Variants in ANO4 observed in about 807,000 individuals in gnomAD.
ANO4 encodes anoctamin-4.
Under a neutral mutation model 141.9 loss-of-function variants are expected in ANO4, and 69 were observed. That is an observed-to-expected ratio of 0.49 (90% CI 0.40 to 0.59). ANO4 has a LOEUF of 0.59. Ranked by LOEUF, ANO4 falls within the 20% of genes least tolerant of loss-of-function variation. The pLI is 0.00. For synonymous variants in ANO4, 350 were observed against 394.3 expected, an observed-to-expected ratio of 0.89 and a Z score of 1.33; for missense variants, 894 against 1,162.2, an observed-to-expected ratio of 0.77 and a Z score of 3.36.
chr12:100,997,242 G>A (rs1470620025), intron 8 of ANO4, among the ~76,000 whole-genome samples: 1 of 149,962 alleles, frequency 6.7e-6, no homozygotes, highest in Admixed American at 6.7e-5. Context: ...GCTGAGGTAG[G>A]AGAATAGCTT....
At chr12:100,890,698 A>G (rs1295588057) in intron 1 of ANO4, among the ~76,000 whole-genome samples, 1 of 152,090 alleles carries the variant, frequency 6.6e-6, no homozygotes, top group Non-Finnish European at 1.5e-5. Context: ...TTCCTTGTGT[A>G]TCTCCTGCCC....
intron 1 of ANO4, among the ~76,000 whole-genome samples, chr12:100,900,507 T>G (rs2040544920): frequency 1.4e-5 from 2 of 140,202 alleles, no homozygotes; most frequent in African/African-American, 2.6e-5. Flanking sequence ...TGTGTCCAAG[T>G]GTTCTCATTG....
rs115533104 is a variant in ANO4 at position 100,961,163 on chromosome 12, C to T, written c.457-10143C>T. ...CGAGGGTCCAATTAGGGCCTATGCA[C>T]TAGGCAACACAGTGCACAGTAGTTA... On this transcript the variant is annotated intron_variant, in intron 5 of 27. Coordinates refer to ENST00000392977, the MANE Select transcript of ANO4 (RefSeq NM_001286615.2). Among the ~76,000 whole-genome samples, 579 of 152,264 alleles carry T rather than the reference C, an allele frequency of 3.8e-3. 3 individuals carry two copies. Among genetic ancestry groups the T allele is most frequent in the African/African-American group, 0.013 (551 of 41,548 alleles).
chr12:101,016,647 G>A (rs1285869273), intron 8 of ANO4, among the ~76,000 whole-genome samples: 1 of 152,208 alleles, frequency 6.6e-6, no homozygotes, highest in Non-Finnish European at 1.5e-5. Context: ...TACCTGTGCT[G>A]GAAATACAGA....
intron 15 of ANO4, among the ~76,000 whole-genome samples, chr12:101,080,885 A>G (rs866992542): frequency 1.4e-5 from 1 of 72,494 alleles, no homozygotes; most frequent in Non-Finnish European, 3.4e-5. Context: ...TATATATATT[A>G]TATATATATA....
chr12:101,098,546 C>A (rs1485055595), intron 21 of ANO4, among the ~76,000 whole-genome samples: 1 of 152,156 alleles, frequency 6.6e-6, no homozygotes, highest in African/African-American at 2.4e-5. Context: ...TCAGCCAGAA[C>A]GATTAGTGGG....
intron 3 of ANO4, among the ~76,000 whole-genome samples, chr12:100,930,500 G>T (rs2042048055): frequency 6.6e-6 from 1 of 152,080 alleles, no homozygotes; most frequent in East Asian, 1.9e-4. Context: ...ATAGATGTAT[G>T]GATTTGTTTT....
At position 101,066,951 on chromosome 12, in the gene ANO4, T is replaced by C. The variant is rs556744798; in HGVS notation, c.1313-12242T>C. On this transcript the variant is annotated intron_variant, in intron 14 of 27. Coordinates refer to ENST00000392977, the MANE Select transcript of ANO4 (RefSeq NM_001286615.2). The stretch of plus-strand genomic sequence containing the variant: ...GTTACAAGGCAACATGAGGACTTTG[T>C]GTGACTACATGACACTCTTCATGTA... 10 of 752,460 alleles carry C rather than the reference T, an allele frequency of 1.3e-5. No individual in the cohort carries two copies. The African/African-American group carries it at 1.8e-4, about 13-fold the overall frequency. The allele number at this position is 752,460 out of a possible 1,614,324, so 46.6% of individuals were successfully genotyped here.
chr12:100,827,281 C>A (rs1043968549), intron 1 of ANO4, among the ~76,000 whole-genome samples: 1 of 151,980 alleles, frequency 6.6e-6, no homozygotes, highest in African/African-American at 2.4e-5. Context: ...CCTTTGTACT[C>A]GCGATTCCCT....
intron 2 of ANO4, among the ~76,000 whole-genome samples, chr12:100,902,613 A>G (rs1460834449): frequency 6.6e-6 from 1 of 152,202 alleles, no homozygotes; most frequent in African/African-American, 2.4e-5. Context: ...GTCCTAGTGG[A>G]TGACCACACA....
intron 7 of ANO4, 95 bp from the exon 8 acceptor site, chr12:100,987,444 G>A (rs895948789): frequency 8.2e-6 from 12 of 1,467,350 alleles, no homozygotes; most frequent in African/African-American, 5.6e-5. Context: ...GGAATGTGTG[G>A]TATGATAGTT....
intron 22 of ANO4, among the ~76,000 whole-genome samples, chr12:101,107,681 T>A (rs2050503276): frequency 6.6e-6 from 1 of 152,174 alleles, no homozygotes; most frequent in Non-Finnish European, 1.5e-5. Context: ...AGTCAATTTA[T>A]TGAGATCCTT....
chr12:100,976,634 G>T (rs1435567115), intron 7 of ANO4, among the ~76,000 whole-genome samples: 4 of 152,166 alleles, frequency 2.6e-5, no homozygotes, highest in African/African-American at 7.2e-5. Flanking sequence ...CACTTCTAAT[G>T]GATTCCCAGC....
At chr12:100,756,418 C>T (rs527567956) in intron 3 of ANO4, among the ~76,000 whole-genome samples, 10 of 152,132 alleles carry the variant, frequency 6.6e-5, no homozygotes, top group East Asian at 1.9e-4. Flanking sequence ...GGTATGATCT[C>T]GGCTCACTGC....
At chr12:100,843,659 C>G (rs2037399123) in intron 1 of ANO4, among the ~76,000 whole-genome samples, 1 of 152,184 alleles carries the variant, frequency 6.6e-6, no homozygotes, top group South Asian at 2.1e-4. Flanking sequence ...GGAATGATTA[C>G]TACTCCTTCA....
intron 8 of ANO4, among the ~76,000 whole-genome samples, chr12:101,001,766 G>A (rs149199326): frequency 6.6e-6 from 1 of 152,260 alleles, no homozygotes; most frequent in Non-Finnish European, 1.5e-5. Context: ...TCATTTCTGG[G>A]CCTGCTTCTG....
intron 8 of ANO4, among the ~76,000 whole-genome samples, chr12:100,992,430 T>G (rs1001524289): frequency 6.6e-6 from 1 of 152,118 alleles, no homozygotes; most frequent in African/African-American, 2.4e-5. Flanking sequence ...TGTTGTTTCC[T>G]CTCCTGGAAT....
chr12:100,951,407 A>G (rs1310911726), intron 5 of ANO4, among the ~76,000 whole-genome samples: 2 of 152,228 alleles, frequency 1.3e-5, no homozygotes, highest in African/African-American at 4.8e-5. Context: ...AGCACTGTTC[A>G]CAATAGCAAA....
At chr12:100,739,195 G>C (rs1009710974) in intron 2 of ANO4, among the ~76,000 whole-genome samples, 8 of 150,454 alleles carry the variant, frequency 5.3e-5, no homozygotes, top group African/African-American at 1.9e-4. Context: ...GTATAAGTGA[G>C]ATCATAAACT....
Sources: allele counts gnomAD v4.1 joint callset (sites outside exome capture counted in the v4.1 genomes callset), GRCh38; gene constraint gnomAD v4.1.1; transcripts MANE v1.5; gene names NCBI Gene and HGNC (gene_info 2026-07-23, HGNC 2026-07-21).